Variants in GRIN2A observed in about 807,000 individuals in gnomAD.
The protein encoded by GRIN2A is glutamate receptor ionotropic, NMDA 2A.
GRIN2A carries 22 observed loss-of-function variants against 113.4 expected under a neutral mutation model. That is an observed-to-expected ratio of 0.19 (90% CI 0.14 to 0.28). The LOEUF is 0.28. GRIN2A is among the 10% of genes least tolerant of loss of function. GRIN2A has a pLI of 1.00. For missense variants in GRIN2A, 1,502 were observed against 1,887.0 expected (o/e 0.80, Z 3.78); for synonymous variants, 827 against 738.4 (o/e 1.12, Z -1.94).
At chr16:9,810,618 G>C (rs2042068154) in intron 10 of GRIN2A, among the ~76,000 whole-genome samples, 1 of 152,166 alleles carries the variant, frequency 6.6e-6, no homozygotes, top group Non-Finnish European at 1.5e-5. Context: ...GCAGCCACAA[G>C]CCAAGAAACA....
chr16:9,880,483 G>C (rs1006454971), intron 4 of GRIN2A, among the ~76,000 whole-genome samples: 3 of 152,078 alleles, frequency 2.0e-5, no homozygotes, highest in Admixed American at 6.6e-5. Context: ...GGTGAGGCTC[G>C]CCCCAATAAT....
chr16:9,881,461 A>T (rs1013784205), intron 4 of GRIN2A, among the ~76,000 whole-genome samples: 3 of 152,330 alleles, frequency 2.0e-5, no homozygotes, highest in African/African-American at 7.2e-5. Flanking sequence ...ATCACTAGGG[A>T]GGCTTATAAA....
intron 2 of GRIN2A, among the ~76,000 whole-genome samples, chr16:10,163,680 T>G (rs938905708): frequency 4.8e-5 from 7 of 145,794 alleles, no homozygotes; most frequent in Admixed American, 7.0e-5. Flanking sequence ...ACACCTCACA[T>G]AACAGGTGCT....
chr16:9,830,129 C>T (rs545484560), intron 8 of GRIN2A, among the ~76,000 whole-genome samples: 216 of 152,174 alleles, frequency 1.4e-3, no homozygotes, highest in Non-Finnish European at 2.6e-3. Context: ...AGCAATTGCT[C>T]CTGTTCAAAC....
At chr16:10,063,792 G>C (rs1184817730) in intron 2 of GRIN2A, among the ~76,000 whole-genome samples, 1 of 152,134 alleles carries the variant, frequency 6.6e-6, no homozygotes, top group Non-Finnish European at 1.5e-5. Context: ...AAGAACACTA[G>C]GTGGTGAAAA....
chr16:9,948,856 T>G (rs1269734375), intron 2 of GRIN2A, among the ~76,000 whole-genome samples: 2 of 152,220 alleles, frequency 1.3e-5, no homozygotes, highest in Non-Finnish European at 2.9e-5. Flanking sequence ...CCCCAGGGTA[T>G]GCATAGCCAC....
intron 7 of GRIN2A, among the ~76,000 whole-genome samples, chr16:9,836,132 A>G (rs2042580540): frequency 1.3e-5 from 2 of 152,246 alleles, no homozygotes; most frequent in South Asian, 4.1e-4. Context: ...TCAAGAATAG[A>G]GATAAAATAA....
intron 2 of GRIN2A, among the ~76,000 whole-genome samples, chr16:9,997,863 C>G (rs181914947): frequency 6.6e-6 from 1 of 152,314 alleles, no homozygotes; most frequent in Non-Finnish European, 1.5e-5. Flanking sequence ...GTAAGACATG[C>G]CTTTGTTCCT....
chr16:9,905,862 A>T (rs192659595), intron 3 of GRIN2A, among the ~76,000 whole-genome samples: 167 of 152,294 alleles, frequency 1.1e-3, no homozygotes, highest in Non-Finnish European at 2.2e-3. Flanking sequence ...CTCTAAACCA[A>T]TGTAATAGTG....
rs372749330 is a variant in GRIN2A at position 10,044,691 on chromosome 16, G to A, written c.415-106140C>T. Among the ~76,000 whole-genome samples the A allele has an allele frequency of 2.9e-4, 43 of 150,648 alleles. No homozygotes were observed. The East Asian group carries it at 4.8e-3, about 17-fold the overall frequency. ...TAAATGTTATGAAAGGGATGCACAC[G>A]TTTATCATTCAAAGGATAGCCTACG... On this transcript the variant is annotated intron_variant, in intron 2 of 12. Coordinates refer to ENST00000330684, the MANE Select transcript of GRIN2A (RefSeq NM_001134407.3).
At chr16:9,772,154 C>T (rs1399683035) in intron 11 of GRIN2A, among the ~76,000 whole-genome samples, 1 of 152,120 alleles carries the variant, frequency 6.6e-6, no homozygotes, top group Non-Finnish European at 1.5e-5. Context: ...AATTCCTTTT[C>T]TTCCAACAGC....
At chr16:10,072,328 A>G in intron 2 of GRIN2A, among the ~76,000 whole-genome samples, 1 of 152,248 alleles carries the variant, frequency 6.6e-6, no homozygotes, top group East Asian at 1.9e-4. Context: ...AGAGTGAAGC[A>G]TCAACTTCCA....
intron 2 of GRIN2A, among the ~76,000 whole-genome samples, chr16:10,088,700 C>T (rs182869551): frequency 1.3e-5 from 2 of 152,264 alleles, no homozygotes; most frequent in African/African-American, 2.4e-5. Flanking sequence ...CTGTGTTGTG[C>T]GAAGCCAGCA....
At chr16:10,177,009 C>A (rs143139810) in intron 2 of GRIN2A, among the ~76,000 whole-genome samples, 1 of 152,226 alleles carries the variant, frequency 6.6e-6, no homozygotes, top group Non-Finnish European at 1.5e-5. Flanking sequence ...ACCAAATCAA[C>A]ATCATTTTAA....
chr16:9,769,574 A>G (rs954396691), intron 11 of GRIN2A, among the ~76,000 whole-genome samples: 15 of 151,724 alleles, frequency 9.9e-5, no homozygotes, highest in African/African-American at 3.6e-4. Context: ...GAACGTGACA[A>G]TAGAAAGACT....
intron 8 of GRIN2A, among the ~76,000 whole-genome samples, chr16:9,830,530 G>A (rs2042473132): frequency 6.6e-6 from 1 of 150,940 alleles, no homozygotes; most frequent in South Asian, 2.1e-4. Flanking sequence ...TCATAGGGAA[G>A]GTTTCCCTTT....
chr16:9,813,463 A>G (rs1596454192), intron 10 of GRIN2A, among the ~76,000 whole-genome samples: 1 of 151,106 alleles, frequency 6.6e-6, no homozygotes, highest in Admixed American at 6.6e-5. Flanking sequence ...CATCCCAATC[A>G]CCTAGCAGCA....
intron 5 of GRIN2A, among the ~76,000 whole-genome samples, chr16:9,842,748 C>G (rs1447173035): frequency 3.3e-5 from 5 of 151,994 alleles, no homozygotes; most frequent in African/African-American, 1.2e-4. Context: ...ACCAGCCTGG[C>G]CAACATGGAG....
intron 12 of GRIN2A, 113 bp from the exon 13 acceptor site, chr16:9,765,061 G>A: frequency 2.2e-6 from 3 of 1,367,406 alleles, no homozygotes; most frequent in African/African-American, 1.4e-5. Flanking sequence ...CAGGAGCCCT[G>A]GAGAAACAGC....
Sources: allele counts gnomAD v4.1 joint callset (sites outside exome capture counted in the v4.1 genomes callset), GRCh38; gene constraint gnomAD v4.1.1; transcripts MANE v1.5; gene names NCBI Gene and HGNC (gene_info 2026-07-23, HGNC 2026-07-21).